The following CRHR2 variants were observed in gnomAD, a reference collection of about 807,000 sequenced individuals.
CRHR2 encodes corticotropin releasing hormone receptor 2, also known as corticotropin-releasing hormone receptor 2.
In CRHR2, 53 loss-of-function variants were observed where a neutral mutation model predicts 57.9. The ratio of observed to expected loss-of-function variants is 0.92; its 90% CI spans 0.73 to 1.15. The LOEUF is 1.15. Among genes scored for constraint, CRHR2 ranks in the 50% most tolerant of loss-of-function variants. The pLI, the probability that CRHR2 is intolerant of heterozygous loss-of-function variation, is 0.00. For synonymous variants in CRHR2, 213 were observed against 220.9 expected, an observed-to-expected ratio of 0.96 and a Z score of 0.32; for missense variants, 532 against 542.6, an observed-to-expected ratio of 0.98 and a Z score of 0.19.
chr7:30,679,911 G>A (rs1784643834), intron 2 of CRHR2, among the ~76,000 whole-genome samples: 1 of 152,056 alleles, frequency 6.6e-6, no homozygotes, highest in Admixed American at 6.5e-5. Flanking sequence ...GCTGGTTAGT[G>A]GTAAGTGCTC....
At position 30,665,492 on chromosome 7, in the gene CRHR2, AG is replaced by A; in HGVS notation, c.425+37del. 1 of 1,478,088 alleles carries A rather than the reference AG, an allele frequency of 6.8e-7. No homozygotes were observed. The highest frequency in any genetic ancestry group is 9.3e-7 in the Non-Finnish European group (1 of 1,080,928). The allele number at this position is 1,478,088 out of a possible 1,614,324, so 91.6% of individuals were successfully genotyped here. ...GAGGTGAAGGGGGTGCTGTAGGGGG[AG>A]GGATGAGGAGAAAGCAAGGCGGAAG... On this transcript the variant is annotated intron_variant, in intron 4 of 11. Coordinates refer to ENST00000471646, the MANE Select transcript of CRHR2 (RefSeq NM_001883.5). The surrounding 1 kb of genome is among the most constrained non-coding windows in gnomAD (Gnocchi z 4.5).
At chr7:30,677,967 G>A (rs1246229309) in intron 2 of CRHR2, among the ~76,000 whole-genome samples, 2 of 152,250 alleles carry the variant, frequency 1.3e-5, no homozygotes, top group East Asian at 1.9e-4. Context: ...CTACTCGGGA[G>A]GCTGAGGCAG....
chr7:30,668,219 C>CTCTA (rs765838251), intron 2 of CRHR2, among the ~76,000 whole-genome samples: 3 of 152,224 alleles, frequency 2.0e-5, no homozygotes, highest in Non-Finnish European at 2.9e-5. Flanking sequence ...TTGCCTTTCT[C>CTCTA]TCTATCTCAG....
Position 30,653,396 on chromosome 7 carries a change from C to T in CRHR2, c.*64G>A, listed in dbSNP as rs1050180655. The stretch of plus-strand genomic sequence containing the variant: ...CTGCCCCACGAGAGCCTGCCCAGCA[C>T]AGAGAACCCAGAGGAAGAAGGTGGA... On this transcript the variant is annotated 3_prime_UTR_variant, in exon 12 of 12. Transcript: ENST00000471646. The surrounding 1 kb of genome is among the most constrained non-coding windows in gnomAD (Gnocchi z 5.0). 2.6e-5 allele frequency: 41 copies of T among 1,583,558 alleles called. No homozygotes were observed. Among genetic ancestry groups the T allele is most frequent in the Non-Finnish European group, 2.9e-5 (34 of 1,164,736 alleles).
chr7:30,680,299 G>A (rs997947595), intron 2 of CRHR2, among the ~76,000 whole-genome samples: 1 of 152,166 alleles, frequency 6.6e-6, no homozygotes, highest in Non-Finnish European at 1.5e-5. Context: ...CAAATTGACT[G>A]AGTATTACTG....
intron 11 of CRHR2, among the ~76,000 whole-genome samples, chr7:30,654,229 T>C (rs998596869): frequency 6.6e-6 from 1 of 152,254 alleles, no homozygotes; most frequent in African/African-American, 2.4e-5. Context: ...TCTCACATCC[T>C]AGCTTGCACA....
chr7:30,678,439 T>G (rs1209405074), intron 2 of CRHR2, among the ~76,000 whole-genome samples: 1 of 152,182 alleles, frequency 6.6e-6, no homozygotes, highest in African/African-American at 2.4e-5. Context: ...CCAAGGAGAC[T>G]CGTGTGCTTA....
chr7:30,670,187 A>G (rs1020717136), intron 2 of CRHR2, among the ~76,000 whole-genome samples: 2 of 152,272 alleles, frequency 1.3e-5, no homozygotes, highest in African/African-American at 2.4e-5. Context: ...AGCCTATTCT[A>G]ATGTCTTCTA....
chr7:30,667,223 C>T lies in CRHR2; in HGVS notation c.315+5G>A. Reference sequence around the variant, plus strand: ...CTGGGGTCACAGCAGGTGAGGGCCACTCACCTTGTCATCCAAAATGGGCTC... The same window carrying T: ...CTGGGGTCACAGCAGGTGAGGGCCATTCACCTTGTCATCCAAAATGGGCTC... On this transcript the variant is annotated splice_donor_5th_base_variant and intron_variant, in intron 3 of 11. Transcript: ENST00000471646. 1 of 1,613,972 alleles carries T rather than the reference C, an allele frequency of 6.2e-7. No individual in the cohort carries two copies. The highest frequency in any genetic ancestry group is 1.7e-5 in the Admixed American group (1 of 60,018).
At chr7:30,698,183 G>A (rs1465827849) in intron 1 of CRHR2, 1 of 152,336 alleles carries the variant, frequency 6.6e-6, no homozygotes, top group Non-Finnish European at 1.5e-5. Context: ...CGTCAGAAAG[G>A]CCGAGGTTTA....
chr7:30,678,280 G>A (rs1784584384), intron 2 of CRHR2, among the ~76,000 whole-genome samples: 1 of 152,184 alleles, frequency 6.6e-6, no homozygotes, highest in South Asian at 2.1e-4. Flanking sequence ...TGACTTCATT[G>A]CTCCACACCT....
chr7:30,691,277 C>T (rs969831462), intron 1 of CRHR2, among the ~76,000 whole-genome samples: 2 of 152,218 alleles, frequency 1.3e-5, no homozygotes, highest in Non-Finnish European at 2.9e-5. Flanking sequence ...CCCAGTGAAT[C>T]CCAGCCTCTG....
At chr7:30,664,158 G>A (rs1784105106) in intron 5 of CRHR2, among the ~76,000 whole-genome samples, 1 of 152,166 alleles carries the variant, frequency 6.6e-6, no homozygotes, top group African/African-American at 2.4e-5. Context: ...GTTCTATGTG[G>A]GACCATGTTA....
At chr7:30,668,746 C>T (rs1784263961) in intron 2 of CRHR2, among the ~76,000 whole-genome samples, 1 of 152,186 alleles carries the variant, frequency 6.6e-6, no homozygotes, top group African/African-American at 2.4e-5. Context: ...ATTCTTCAAA[C>T]CCAGGGACGT....
chr7:30,667,318 A>C lies in CRHR2; in HGVS notation c.230-5T>G. The C allele has an allele frequency of 1.9e-6, 3 of 1,613,906 alleles. No individual in the cohort carries two copies. The highest frequency in any genetic ancestry group is 2.5e-6 in the Non-Finnish European group (3 of 1,179,836). On this transcript the variant is annotated splice_polypyrimidine_tract_variant and splice_region_variant and intron_variant, in intron 2 of 11. Transcript: ENST00000471646. ...AGCATTCTCGATAGGCATTCCCTAC[A>C]AAAAATGCCAACTGCCAAGAGTCAG...
intron 1 of CRHR2, among the ~76,000 whole-genome samples, chr7:30,694,528 T>A (rs1481361505): frequency 6.6e-6 from 1 of 152,170 alleles, no homozygotes; most frequent in Non-Finnish European, 1.5e-5. Context: ...CTGTCTAAAT[T>A]TAGCCCATGG....
chr7:30,689,604 A>C (rs1784920756), intron 1 of CRHR2, among the ~76,000 whole-genome samples: 1 of 119,550 alleles, frequency 8.4e-6, no homozygotes, highest in Non-Finnish European at 1.7e-5. Flanking sequence ...TCTGTCAGCA[A>C]AGCTGGGTGG....
upstream of CRHR2, among the ~76,000 whole-genome samples, chr7:30,685,823 G>A (rs6945687): frequency 0.06 from 9,154 of 152,206 alleles, 909 homozygotes; most frequent in African/African-American, 0.21. Flanking sequence ...TCTCCTCATG[G>A]CAGATAAAAC....
chr7:30,676,818 T>A (rs1348140275), intron 2 of CRHR2, among the ~76,000 whole-genome samples: 1 of 152,242 alleles, frequency 6.6e-6, no homozygotes, highest in Non-Finnish European at 1.5e-5. Flanking sequence ...AATCAGTGCT[T>A]AAGCATGTCT....
Sources: gnomAD v4.1 joint callset for allele counts (sites outside exome capture counted in the v4.1 genomes callset) on GRCh38, gnomAD v4.1.1 for gene constraint, Gnocchi (gnomAD v3.1) non-coding constraint, MANE v1.5 for transcripts, NCBI Gene and HGNC (gene_info 2026-07-23, HGNC 2026-07-21) for gene names.